DPP10: variants seen among roughly 807,000 people sequenced by gnomAD.
DPP10 encodes the protein inactive dipeptidyl peptidase 10.
In DPP10, 33 loss-of-function variants were observed where a neutral mutation model predicts 120.9. The observed-to-expected ratio is 0.27, with a 90% CI of 0.21 to 0.37. DPP10 has a LOEUF of 0.37. DPP10 is among the 10% of genes least tolerant of loss of function. The probability of loss-of-function intolerance (pLI) is 1.00; values close to 1 mark genes in which losing one functional copy is unlikely to be tolerated. For synonymous variants in DPP10, 337 were observed against 326.1 expected (o/e 1.03, Z -0.36); for missense variants, 816 against 942.8 (o/e 0.87, Z 1.76).
At chr2:115,801,260 G>A (rs1685202354) in intron 19 of DPP10, among the ~76,000 whole-genome samples, 2 of 152,274 alleles carry the variant, frequency 1.3e-5, no homozygotes, top group South Asian at 2.1e-4. Context: ...GTATAGGAAG[G>A]CTTGTGATTT....
At chr2:115,687,511 A>ATAGATAGG (rs1482947065) in intron 5 of DPP10, among the ~76,000 whole-genome samples, 15 of 152,044 alleles carry the variant, frequency 9.9e-5, no homozygotes, top group African/African-American at 3.6e-4. Context: ...AGATAGATAG[A>ATAGATAGG]TAGATAGATA....
chr2:114,904,658 C>G (rs1234615561), intron 1 of DPP10, among the ~76,000 whole-genome samples: 1 of 152,050 alleles, frequency 6.6e-6, no homozygotes, highest in Non-Finnish European at 1.5e-5. Flanking sequence ...TAAGATTATA[C>G]TAACAGAAAT....
chr2:115,697,906 C>T (rs916232408), intron 7 of DPP10, among the ~76,000 whole-genome samples: 1 of 152,062 alleles, frequency 6.6e-6, no homozygotes, highest in Admixed American at 6.6e-5. Flanking sequence ...GGCATGAACC[C>T]GGGAGGCAGA....
chr2:115,264,937 T>G (rs2059399594), intron 1 of DPP10, among the ~76,000 whole-genome samples: 1 of 152,194 alleles, frequency 6.6e-6, no homozygotes, highest in Non-Finnish European at 1.5e-5. Flanking sequence ...ATTGCATTGA[T>G]AGATTTTATT....
chr2:114,581,424 C>T lies in DPP10; in HGVS notation c.60+138586C>T, dbSNP rs189709724. On this transcript the variant is annotated intron_variant, in intron 1 of 25. Transcript: ENST00000410059. ...GGTCTCGACCTCCTGACCTGGTGAT[C>T]AGCCCACCTCGGCCTCCCAAAGTGC... is the stretch of plus-strand genomic sequence containing the variant. 5.5e-4 allele frequency among the ~76,000 whole-genome samples: 84 copies of T among 152,154 alleles called. No individual in the cohort carries two copies. The Middle Eastern group carries it at 0.017, about 31-fold the overall frequency.
intron 21 of DPP10, among the ~76,000 whole-genome samples, chr2:115,819,031 C>T (rs989210834): frequency 1.3e-5 from 2 of 152,120 alleles, no homozygotes; most frequent in African/African-American, 4.8e-5. Flanking sequence ...CCTTGCGATT[C>T]TTTTTTCTTG....
chr2:115,270,153 C>T lies in DPP10; in HGVS notation c.61-39086C>T, dbSNP rs141010133. 9.2e-5 allele frequency among the ~76,000 whole-genome samples: 14 copies of T among 151,672 alleles called. No homozygotes were observed. The East Asian group carries it at 2.7e-3, about 30-fold the overall frequency. On this transcript the variant is annotated intron_variant, in intron 1 of 25. Coordinates refer to ENST00000410059, the MANE Select transcript of DPP10 (RefSeq NM_020868.6). ...ACACTTATTTATGCTGGCAGACTGA[C>T]AGTCACCTTTGCAGCTCTTGTCTGT...
intron 3 of DPP10, among the ~76,000 whole-genome samples, chr2:115,489,200 A>G (rs2075956244): frequency 6.6e-6 from 1 of 152,066 alleles, no homozygotes; most frequent in East Asian, 1.9e-4. Context: ...GTTATAGTGC[A>G]TAAGCAGCCA....
intron 1 of DPP10, among the ~76,000 whole-genome samples, chr2:115,278,604 G>T (rs949774437): frequency 6.6e-6 from 1 of 152,084 alleles, no homozygotes. Context: ...GGAAGGCAAA[G>T]GGGAGCTGAC....
intron 1 of DPP10, among the ~76,000 whole-genome samples, chr2:115,119,923 A>AC (rs1461044398): frequency 2.0e-5 from 3 of 152,212 alleles, no homozygotes; most frequent in African/African-American, 7.2e-5. Context: ...CAATTTAGCC[A>AC]GTTCTGAGTG....
At chr2:115,370,487 A>G (rs2065337468) in intron 3 of DPP10, among the ~76,000 whole-genome samples, 1 of 152,124 alleles carries the variant, frequency 6.6e-6, no homozygotes, top group African/African-American at 2.4e-5. Flanking sequence ...TAGAACCTGT[A>G]CAGAGTCAAG....
At chr2:115,825,302 G>T (rs1438399055) in intron 21 of DPP10, among the ~76,000 whole-genome samples, 1 of 152,060 alleles carries the variant, frequency 6.6e-6, no homozygotes, top group African/African-American at 2.4e-5. Context: ...CCCTATTCAG[G>T]TGTCGTTTCC....
intron 3 of DPP10, among the ~76,000 whole-genome samples, chr2:115,375,478 T>A (rs2065723501): frequency 6.6e-6 from 1 of 152,214 alleles, no homozygotes. Flanking sequence ...CTGTACCACA[T>A]CTTCCTTTCT....
intron 1 of DPP10, among the ~76,000 whole-genome samples, chr2:114,950,392 T>G (rs536257661): frequency 1.5e-4 from 22 of 150,966 alleles, no homozygotes; most frequent in Middle Eastern, 3.4e-3. Flanking sequence ...CCTCCTGGGT[T>G]CATGCCATTC....
chr2:114,829,113 C>T (rs574653337), intron 1 of DPP10, among the ~76,000 whole-genome samples: 2 of 151,822 alleles, frequency 1.3e-5, no homozygotes, highest in Non-Finnish European at 2.9e-5. Flanking sequence ...ATGGTGAAAC[C>T]CCATCTCTAC....
intron 1 of DPP10, among the ~76,000 whole-genome samples, chr2:114,832,363 C>G (rs765314904): frequency 3.9e-5 from 6 of 152,100 alleles, no homozygotes; most frequent in Non-Finnish European, 2.9e-5. Flanking sequence ...GAAACACCGC[C>G]TCTACTAAAA....
intron 1 of DPP10, among the ~76,000 whole-genome samples, chr2:114,895,014 T>C (rs141081748): frequency 6.6e-6 from 1 of 152,290 alleles, no homozygotes; most frequent in African/African-American, 2.4e-5. Context: ...TTAAACTCTG[T>C]GTTTTAGCTT....
chr2:115,274,766 A>G (rs1490673268), intron 1 of DPP10, among the ~76,000 whole-genome samples: 1 of 152,360 alleles, frequency 6.6e-6, no homozygotes, highest in African/African-American at 2.4e-5. Flanking sequence ...GAGGAGTTAC[A>G]TAACCTTTAT....
At chr2:115,380,707 T>A (rs1370886645) in intron 3 of DPP10, among the ~76,000 whole-genome samples, 2 of 152,220 alleles carry the variant, frequency 1.3e-5, no homozygotes, top group Admixed American at 1.3e-4. Context: ...TTCCTTTCCA[T>A]GTTTAGTGCT....
Sources: gnomAD v4.1 joint callset for allele counts (sites outside exome capture counted in the v4.1 genomes callset) on GRCh38, gnomAD v4.1.1 for gene constraint, MANE v1.5 for transcripts, NCBI Gene and HGNC (gene_info 2026-07-23, HGNC 2026-07-21) for gene names.